Variants in CDK6 observed in about 807,000 individuals in gnomAD.
The protein encoded by CDK6 is cyclin-dependent kinase 6.
Under a neutral mutation model 37.1 loss-of-function variants are expected in CDK6, and 6 were observed. That is an observed-to-expected ratio of 0.16 (90% CI 0.09 to 0.32). The LOEUF (loss-of-function observed/expected upper bound fraction) is 0.32, where lower values mean the gene tolerates loss of function less well. Among genes scored for constraint, CDK6 ranks in the 10% least tolerant of loss-of-function variants. The pLI is 1.00. For synonymous variants in CDK6, 160 were observed against 161.3 expected, an observed-to-expected ratio of 0.99 and a Z score of 0.06; for missense variants, 224 against 418.9, an observed-to-expected ratio of 0.53 and a Z score of 4.06.
At chr7:92,809,676 AC>A (rs1241578155) in intron 2 of CDK6, among the ~76,000 whole-genome samples, 1 of 152,234 alleles carries the variant, frequency 6.6e-6, no homozygotes, top group Non-Finnish European at 1.5e-5. Flanking sequence ...TTAGATTGTG[AC>A]CATCTTAAGA....
chr7:92,806,248 T>C (rs1800722768), intron 2 of CDK6, among the ~76,000 whole-genome samples: 1 of 152,212 alleles, frequency 6.6e-6, no homozygotes, highest in Non-Finnish European at 1.5e-5. Context: ...CTTTTCTTCC[T>C]ATACTTATGA....
At chr7:92,665,238 T>A (rs1796930151) in intron 5 of CDK6, among the ~76,000 whole-genome samples, 2 of 151,994 alleles carry the variant, frequency 1.3e-5, no homozygotes, top group African/African-American at 4.8e-5. Flanking sequence ...TGCTGTATAG[T>A]TAAAAATCAA....
intron 3 of CDK6, among the ~76,000 whole-genome samples, chr7:92,736,016 G>A (rs1368631985): frequency 6.6e-6 from 1 of 152,120 alleles, no homozygotes; most frequent in African/African-American, 2.4e-5. Flanking sequence ...TTAAAAGAAA[G>A]AGCACTGGGT....
intron 2 of CDK6, among the ~76,000 whole-genome samples, chr7:92,829,523 G>T (rs941938180): frequency 6.6e-6 from 1 of 152,190 alleles, no homozygotes; most frequent in Non-Finnish European, 1.5e-5. Flanking sequence ...CTTCAGGAGA[G>T]TAGCTAGGTA....
At chr7:92,725,061 G>A (rs1171434895) in intron 4 of CDK6, 2 of 985,158 alleles carry the variant, frequency 2.0e-6, no homozygotes, top group Non-Finnish European at 2.4e-6. Flanking sequence ...GCCAAAACAG[G>A]GCCGTTGGGT....
intron 2 of CDK6, among the ~76,000 whole-genome samples, chr7:92,818,523 C>T (rs755854797): frequency 2.0e-5 from 3 of 151,512 alleles, no homozygotes; most frequent in Non-Finnish European, 4.4e-5. Context: ...ATCCTATATG[C>T]CCTGGAGGTA....
At chr7:92,769,406 A>G (rs1250354716) in intron 3 of CDK6, among the ~76,000 whole-genome samples, 1 of 152,222 alleles carries the variant, frequency 6.6e-6, no homozygotes, top group Non-Finnish European at 1.5e-5. Context: ...CTTGAGCTCA[A>G]AGAACCCTGT....
At chr7:92,767,138 G>C (rs976699542) in intron 3 of CDK6, among the ~76,000 whole-genome samples, 1 of 152,104 alleles carries the variant, frequency 6.6e-6, no homozygotes. Context: ...TAGGATTGGA[G>C]ATTTTAAAAA....
chr7:92,725,565 C>A (rs113101067), intron 4 of CDK6, 61 bp downstream of exon 4: 1 of 1,507,246 alleles, frequency 6.6e-7, no homozygotes, highest in Non-Finnish European at 9.1e-7. Flanking sequence ...GGAAGAGGGA[C>A]AGACTGTCAT....
chr7:92,827,680 C>T (rs146655707), intron 2 of CDK6, among the ~76,000 whole-genome samples: 2 of 152,254 alleles, frequency 1.3e-5, no homozygotes, highest in South Asian at 2.1e-4. Flanking sequence ...ACCACCGGTG[C>T]GTTTTCAGTG....
intron 2 of CDK6, among the ~76,000 whole-genome samples, chr7:92,793,564 TTGGATCCTAACCTC>T (rs1562966891): frequency 6.6e-6 from 1 of 152,084 alleles, no homozygotes; most frequent in Non-Finnish European, 1.5e-5. Flanking sequence ...AAGAATGAAA[TTGGATCCTAACCTC>T]ACAATATACA....
At chr7:92,791,340 C>T (rs1012644622) in intron 2 of CDK6, among the ~76,000 whole-genome samples, 16 of 152,120 alleles carry the variant, frequency 1.1e-4, no homozygotes, top group African/African-American at 3.6e-4. Flanking sequence ...ACATTGCCAA[C>T]TAAAGACATT....
In CDK6 at chr7:92,649,939, C is replaced by A. The variant is rs141090656; in HGVS notation, c.647+21487G>T. 2.5e-3 allele frequency among the ~76,000 whole-genome samples: 381 copies of A among 152,336 alleles called. 2 individuals carry two copies. Among genetic ancestry groups the A allele is most frequent in the African/African-American group, 8.9e-3 (371 of 41,582 alleles). Reference sequence around the variant, plus strand: ...CCATAAATAACAACCAGACCTTGTGCTAACACATCTTGAAAAGCTTGTCTA... The same window carrying A: ...CCATAAATAACAACCAGACCTTGTGATAACACATCTTGAAAAGCTTGTCTA... On this transcript the variant is annotated intron_variant, in intron 5 of 7. Transcript: ENST00000424848.
chr7:92,716,147 C>T (rs1208785331), intron 4 of CDK6, among the ~76,000 whole-genome samples: 1 of 152,038 alleles, frequency 6.6e-6, no homozygotes, highest in African/African-American at 2.4e-5. Flanking sequence ...TTTTTGGATG[C>T]TTATAATTGA....
At chr7:92,755,796 C>A (rs754358126) in intron 3 of CDK6, among the ~76,000 whole-genome samples, 1 of 152,160 alleles carries the variant, frequency 6.6e-6, no homozygotes, top group Admixed American at 6.5e-5. Context: ...TCCAAGGAGT[C>A]TTTTCCAACA....
At chr7:92,729,100 C>T (rs1033515427) in intron 3 of CDK6, among the ~76,000 whole-genome samples, 3 of 152,076 alleles carry the variant, frequency 2.0e-5, no homozygotes, top group African/African-American at 7.2e-5. Flanking sequence ...TAAATTACAA[C>T]ATTAAATGAG....
At chr7:92,717,219 T>A (rs1376269479) in intron 4 of CDK6, among the ~76,000 whole-genome samples, 2 of 151,372 alleles carry the variant, frequency 1.3e-5, no homozygotes, top group Non-Finnish European at 2.9e-5. Flanking sequence ...GGTGTGAACC[T>A]GTAGTCCTAC....
At chr7:92,717,905 G>A (rs1014155258) in intron 4 of CDK6, among the ~76,000 whole-genome samples, 1 of 152,134 alleles carries the variant, frequency 6.6e-6, no homozygotes, top group Non-Finnish European at 1.5e-5. Flanking sequence ...AGTGGTCATC[G>A]ATATTTGCCT....
At chr7:92,741,453 A>C (rs1477997045) in intron 3 of CDK6, among the ~76,000 whole-genome samples, 1 of 152,188 alleles carries the variant, frequency 6.6e-6, no homozygotes, top group Non-Finnish European at 1.5e-5. Context: ...GTTTAACTGA[A>C]TGTCCTTATT....
Sources: gnomAD v4.1 joint callset for allele counts (sites outside exome capture counted in the v4.1 genomes callset) on GRCh38, gnomAD v4.1.1 for gene constraint, MANE v1.5 for transcripts, NCBI Gene and HGNC (gene_info 2026-07-23, HGNC 2026-07-21) for gene names.